Variants in RALGAPA1 observed in about 807,000 individuals in gnomAD.
The protein encoded by RALGAPA1 is ral GTPase-activating protein subunit alpha-1.
A neutral mutation model predicts 269.6 loss-of-function variants in RALGAPA1; 52 were observed. The observed-to-expected ratio is 0.19, with a 90% confidence interval of 0.15 to 0.24. The LOEUF is 0.24. Among genes scored for constraint, RALGAPA1 ranks in the 10% least tolerant of loss-of-function variants. The pLI is 1.00. For missense variants in RALGAPA1, 1,917 were observed against 3,013.9 expected (o/e 0.64, Z 8.52); for synonymous variants, 817 against 1,008.3 (o/e 0.81, Z 3.60).
At chr14:35,794,911 A>C (rs2076451600) in intron 1 of RALGAPA1, among the ~76,000 whole-genome samples, 2 of 152,210 alleles carry the variant, frequency 1.3e-5, no homozygotes, top group African/African-American at 4.8e-5. Context: ...ACAGAAAGAC[A>C]TTTTTTACTA....
chr14:35,759,863 G>A (rs2073549927), intron 6 of RALGAPA1, among the ~76,000 whole-genome samples: 1 of 149,606 alleles, frequency 6.7e-6, no homozygotes, highest in Non-Finnish European at 1.5e-5. Context: ...AGTGAGCCAA[G>A]GCCATGCCAC....
intron 40 of RALGAPA1, 88 bp downstream of exon 40, chr14:35,549,022 G>A (rs1456758613): frequency 1.4e-6 from 2 of 1,426,148 alleles, no homozygotes; most frequent in African/African-American, 2.9e-5. Context: ...TCAATGATTA[G>A]AATTTTTTTC....
Position 35,539,669 on chromosome 14 carries a change from G to C in RALGAPA1, c.*45C>G. The C allele has an allele frequency of 6.2e-7, 1 of 1,614,038 alleles. No individual in the cohort carries two copies. Among genetic ancestry groups the C allele is most frequent in the East Asian group, 2.2e-5 (1 of 44,860 alleles). The stretch of plus-strand genomic sequence containing the variant: ...CTGCGTTGCTGTGGGAGTTTCACTG[G>C]GTAGAATCTCTGGGTAGGAGCCTGT... On this transcript the variant is annotated 3_prime_UTR_variant, in exon 42 of 42. Coordinates refer to ENST00000680220, the MANE Select transcript of RALGAPA1 (RefSeq NM_001346249.2).
chr14:35,604,257 T>C (rs548106846), intron 36 of RALGAPA1, among the ~76,000 whole-genome samples: 23 of 152,036 alleles, frequency 1.5e-4, no homozygotes, highest in Non-Finnish European at 3.2e-4. Context: ...AGTATACACA[T>C]TGTTTTCAAG....
At chr14:35,699,892 CA>C (rs2067205966) in intron 17 of RALGAPA1, among the ~76,000 whole-genome samples, 1 of 114,690 alleles carries the variant, frequency 8.7e-6, no homozygotes, top group East Asian at 2.4e-4. Context: ...AAAAATCAAA[CA>C]GCAAAAAAAA....
chr14:35,599,131 T>C (rs935531704), intron 36 of RALGAPA1, among the ~76,000 whole-genome samples: 1 of 152,228 alleles, frequency 6.6e-6, no homozygotes, highest in South Asian at 2.1e-4. Flanking sequence ...GTTTGAAATA[T>C]AGTTGTCATA....
intron 13 of RALGAPA1, among the ~76,000 whole-genome samples, chr14:35,727,671 G>T (rs867505973): frequency 1.9e-4 from 29 of 152,116 alleles, no homozygotes; most frequent in African/African-American, 6.5e-4. Flanking sequence ...TTCTATGGTG[G>T]TAAACAGATA....
intron 1 of RALGAPA1, among the ~76,000 whole-genome samples, chr14:35,792,777 CAAA>C (rs573027253): frequency 1.5e-4 from 7 of 46,126 alleles, no homozygotes; most frequent in South Asian, 6.4e-4. Flanking sequence ...GACCCTGTCT[CAAA>C]AAAAAAAAAA....
At chr14:35,756,478 G>C (rs922423300) in intron 7 of RALGAPA1, 2 of 159,436 alleles carry the variant, frequency 1.3e-5, no homozygotes, top group Non-Finnish European at 2.7e-5. Context: ...AACACGAAGA[G>C]GGAATTTTTT....
chr14:35,549,152 C>T lies in RALGAPA1; in HGVS notation c.7579G>A (p.Val2527Ile). 6.2e-7 allele frequency: 1 copy of T among 1,611,948 alleles called. No individual in the cohort carries two copies. Among genetic ancestry groups the T allele is most frequent in the Non-Finnish European group, 8.5e-7 (1 of 1,179,290 alleles). Reference sequence around the variant, plus strand: ...TGGTGGTAGGGAGCTGGAGAAAAAACCTGTGCTGCAAAATCTTCAAATGTT... The same window carrying T: ...TGGTGGTAGGGAGCTGGAGAAAAAATCTGTGCTGCAAAATCTTCAAATGTT... ...PTTFEDFAAQ[V>I]FSPAPYHHLP... The change falls in exon 40 of 42, where the codon GTT becomes ATT. Residue 2527 changes from valine to isoleucine, a missense_variant. Physicochemically the swap from Val to Ile is conservative, Grantham distance 29 (BLOSUM62 3). This residue lies in a region of RALGAPA1 where 91 missense variants were observed against 130.9 expected (regional missense o/e 0.70). Transcript: ENST00000680220.
intron 16 of RALGAPA1, among the ~76,000 whole-genome samples, chr14:35,700,701 A>T (rs2067265039): frequency 6.6e-6 from 1 of 152,218 alleles, no homozygotes; most frequent in Non-Finnish European, 1.5e-5. Context: ...GCATTTCTCT[A>T]GGCAATCCTG....
intron 37 of RALGAPA1, among the ~76,000 whole-genome samples, chr14:35,573,159 G>T (rs990667690): frequency 6.6e-6 from 1 of 152,086 alleles, no homozygotes; most frequent in Non-Finnish European, 1.5e-5. Flanking sequence ...CTTCCAAATA[G>T]ATGTCTTGAG....
rs112102110 is a variant in RALGAPA1, at chr14:35,750,838, G to A, written c.803-148C>T. On this transcript the variant is annotated intron_variant, in intron 8 of 41. Coordinates refer to ENST00000680220, the MANE Select transcript of RALGAPA1 (RefSeq NM_001346249.2). ...GCACAGAAATGACATTTCAAAATTT[G>A]CCAGATGTTTGCATGGAACTCAGAA... 8.8e-6 allele frequency: 6 copies of A among 680,006 alleles called. No homozygotes were observed. The Admixed American group carries it at 1.9e-4, about 21-fold the overall frequency. 42.1% of individuals were successfully genotyped at this position (680,006 alleles called of 1,614,324 possible).
At chr14:35,641,264 A>C (rs749089550) in intron 31 of RALGAPA1, among the ~76,000 whole-genome samples, 6 of 152,186 alleles carry the variant, frequency 3.9e-5, no homozygotes, top group Non-Finnish European at 8.8e-5. Context: ...AAGAGAGAGA[A>C]ATAAAGGGTA....
chr14:35,613,060 C>G (rs1033412246), intron 35 of RALGAPA1, among the ~76,000 whole-genome samples: 8 of 151,118 alleles, frequency 5.3e-5, no homozygotes, highest in African/African-American at 1.9e-4. Flanking sequence ...AGTAAAAGAC[C>G]AATTTTATTT....
intron 6 of RALGAPA1, among the ~76,000 whole-genome samples, chr14:35,760,291 T>G (rs943124081): frequency 6.6e-6 from 1 of 152,200 alleles, no homozygotes; most frequent in Non-Finnish European, 1.5e-5. Flanking sequence ...AGTAAGTGAC[T>G]AGCCTGTGAG....
At chr14:35,600,214 TTTTC>T (rs2059195287) in intron 36 of RALGAPA1, among the ~76,000 whole-genome samples, 1 of 136,658 alleles carries the variant, frequency 7.3e-6, no homozygotes, top group Non-Finnish European at 1.5e-5. Flanking sequence ...TTTTCCTTTT[TTTTC>T]TTTTTCTTTT....
intron 31 of RALGAPA1, among the ~76,000 whole-genome samples, chr14:35,643,180 C>T (rs561240276): frequency 5.1e-5 from 7 of 136,156 alleles, no homozygotes; most frequent in South Asian, 2.4e-4. Context: ...CAGGGCCTTT[C>T]GAGGGGTGGG....
intron 7 of RALGAPA1, among the ~76,000 whole-genome samples, chr14:35,754,280 T>C (rs1030885657): frequency 7.2e-5 from 11 of 152,138 alleles, no homozygotes; most frequent in Admixed American, 5.2e-4. Context: ...AAAAGACTGC[T>C]ATGAAAACGG....
Sources: allele counts gnomAD v4.1 joint callset (sites outside exome capture counted in the v4.1 genomes callset), GRCh38; gene constraint gnomAD v4.1.1; regional missense constraint gnomAD v4.1.1; transcripts MANE v1.5; gene names NCBI Gene and HGNC (gene_info 2026-07-23, HGNC 2026-07-21).